SFMBT2: variants seen among roughly 807,000 people sequenced by gnomAD.
SFMBT2 encodes the protein Scm like with four mbt domains 2.
SFMBT2 carries 38 observed loss-of-function variants against 110.1 expected under a neutral mutation model. The observed-to-expected ratio is 0.35, with a 90% CI of 0.27 to 0.45. The LOEUF is 0.45. Ranked by LOEUF, SFMBT2 falls within the 20% of genes least tolerant of loss-of-function variation. The probability of loss-of-function intolerance (pLI) is 1.00; values close to 1 mark genes in which losing one functional copy is unlikely to be tolerated. For synonymous variants in SFMBT2, 425 were observed against 425.4 expected (o/e 1.00, Z 0.01); for missense variants, 1,011 against 1,094.9 (o/e 0.92, Z 1.08).
At chr10:7,306,239 G>A (rs1017922387) in intron 4 of SFMBT2, among the ~76,000 whole-genome samples, 4 of 152,238 alleles carry the variant, frequency 2.6e-5, no homozygotes, top group Non-Finnish European at 5.9e-5. Flanking sequence ...TGAACTGTGC[G>A]TGGCTTTCAG....
At chr10:7,390,537 T>C (rs927313351) in intron 1 of SFMBT2, among the ~76,000 whole-genome samples, 1 of 152,216 alleles carries the variant, frequency 6.6e-6, no homozygotes, top group African/African-American at 2.4e-5. Context: ...ACAAAGACTA[T>C]TTGCTTTTTT....
At chr10:7,327,885 C>T (rs534141473) in intron 4 of SFMBT2, among the ~76,000 whole-genome samples, 1 of 152,310 alleles carries the variant, frequency 6.6e-6, no homozygotes, top group Admixed American at 6.5e-5. Context: ...GACACCTGGG[C>T]TGTTTCCACT....
At chr10:7,304,448 A>G (rs1472697437) in intron 4 of SFMBT2, among the ~76,000 whole-genome samples, 1 of 152,172 alleles carries the variant, frequency 6.6e-6, no homozygotes, top group Non-Finnish European at 1.5e-5. Context: ...TCTTCATAGC[A>G]GAGTGAAAAT....
Position 7,270,018 on chromosome 10 carries a change from C to A in SFMBT2, c.870+6874G>T, listed in dbSNP as rs1277902637. The stretch of plus-strand genomic sequence containing the variant: ...GATTGGGTTGAAGAGTGTCTCCCTG[C>A]AAATTCATACTCACCCAGAAGCTAT... On this transcript the variant is annotated intron_variant, in intron 7 of 20. Coordinates refer to ENST00000397167, the MANE Select transcript of SFMBT2 (RefSeq NM_001387889.1). Among the ~76,000 whole-genome samples, 11 of 151,916 alleles carry A rather than the reference C, an allele frequency of 7.2e-5. No homozygotes were observed. The East Asian group carries it at 1.9e-3, about 27-fold the overall frequency.
At chr10:7,348,488 CTGTT>C (rs1183681492) in intron 4 of SFMBT2, among the ~76,000 whole-genome samples, 2 of 152,114 alleles carry the variant, frequency 1.3e-5, no homozygotes, top group Non-Finnish European at 2.9e-5. Context: ...CTTAACAGCT[CTGTT>C]AGTTGAGAAG....
At chr10:7,168,823 C>T (rs1012924736) in intron 20 of SFMBT2, among the ~76,000 whole-genome samples, 2 of 152,210 alleles carry the variant, frequency 1.3e-5, no homozygotes, top group Non-Finnish European at 2.9e-5. Context: ...TTTAAAGGGA[C>T]AAGCTCATCA....
intron 7 of SFMBT2, among the ~76,000 whole-genome samples, chr10:7,252,404 C>T (rs1840840021): frequency 6.6e-6 from 1 of 152,192 alleles, no homozygotes; most frequent in Non-Finnish European, 1.5e-5. Context: ...TGGGTAATGA[C>T]TTCAGCGTCC....
At chr10:7,304,066 G>A (rs773022560) in intron 4 of SFMBT2, among the ~76,000 whole-genome samples, 3 of 152,200 alleles carry the variant, frequency 2.0e-5, no homozygotes, top group South Asian at 2.1e-4. Flanking sequence ...CTTCAGCACA[G>A]GGAGCAGAGA....
chr10:7,261,975 A>C (rs1841220681), intron 7 of SFMBT2, among the ~76,000 whole-genome samples: 1 of 152,246 alleles, frequency 6.6e-6, no homozygotes, highest in East Asian at 1.9e-4. Context: ...CAGCCTCCTC[A>C]GTGTGCCCTC....
chr10:7,275,001 A>G (rs7076111), intron 7 of SFMBT2, among the ~76,000 whole-genome samples: 107,016 of 152,094 alleles, frequency 0.7, 38,606 homozygotes, highest in African/African-American at 0.87. Context: ...CAATGAGGAC[A>G]GTGCCCACTT....
At chr10:7,384,075 G>A (rs1845507641) in intron 1 of SFMBT2, among the ~76,000 whole-genome samples, 1 of 151,876 alleles carries the variant, frequency 6.6e-6, no homozygotes, top group African/African-American at 2.4e-5. Flanking sequence ...GCCAGGCATG[G>A]TGGCACATGT....
chr10:7,311,968 A>AT (rs1200830964), intron 4 of SFMBT2, among the ~76,000 whole-genome samples: 1 of 152,212 alleles, frequency 6.6e-6, no homozygotes, highest in Admixed American at 6.5e-5. Context: ...CGAAGCACTT[A>AT]CAAAAAATAC....
intron 9 of SFMBT2, among the ~76,000 whole-genome samples, chr10:7,232,411 G>A (rs1165780958): frequency 2.0e-5 from 3 of 151,968 alleles, no homozygotes; most frequent in Admixed American, 1.3e-4. Flanking sequence ...AGACACTTAC[G>A]GCATTATGAC....
At chr10:7,190,496 G>C (rs1448720707) in intron 15 of SFMBT2, among the ~76,000 whole-genome samples, 1 of 152,212 alleles carries the variant, frequency 6.6e-6, no homozygotes, top group Non-Finnish European at 1.5e-5. Context: ...AAAAGCATCG[G>C]ATATTGAATG....
At chr10:7,222,168 A>C (rs1329724471) in intron 10 of SFMBT2, among the ~76,000 whole-genome samples, 1 of 152,226 alleles carries the variant, frequency 6.6e-6, no homozygotes, top group East Asian at 1.9e-4. Flanking sequence ...CCATGCTATT[A>C]CATGAAATGG....
chr10:7,305,631 A>C (rs377507685), intron 4 of SFMBT2, among the ~76,000 whole-genome samples: 9 of 152,220 alleles, frequency 5.9e-5, no homozygotes, highest in African/African-American at 1.9e-4. Context: ...AGTGAAATCA[A>C]CGGGAAAACC....
intron 10 of SFMBT2, among the ~76,000 whole-genome samples, chr10:7,223,404 T>C (rs567415532): frequency 1.2e-4 from 19 of 152,312 alleles, no homozygotes; most frequent in African/African-American, 4.6e-4. Context: ...AGCATGTTTT[T>C]TTGTGATCCA....
chr10:7,286,185 G>A (rs759604160), intron 4 of SFMBT2, among the ~76,000 whole-genome samples: 4 of 152,228 alleles, frequency 2.6e-5, no homozygotes, highest in Admixed American at 1.3e-4. Flanking sequence ...CCAAGGAGAT[G>A]AAAGAATCCG....
At chr10:7,388,250 T>C (rs1411743966) in intron 1 of SFMBT2, among the ~76,000 whole-genome samples, 3 of 150,762 alleles carry the variant, frequency 2.0e-5, no homozygotes, top group Admixed American at 6.6e-5. Context: ...TTTTAATTAG[T>C]AGGTGATATA....
Sources: allele counts gnomAD v4.1 joint callset (sites outside exome capture counted in the v4.1 genomes callset), GRCh38; gene constraint gnomAD v4.1.1; transcripts MANE v1.5; gene names NCBI Gene and HGNC (gene_info 2026-07-23, HGNC 2026-07-21).